The following TBC1D1 variants were observed in gnomAD, a reference collection of about 807,000 sequenced individuals.
TBC1D1 encodes TBC1 domain family member 1.
Under a neutral mutation model 125.6 loss-of-function variants are expected in TBC1D1, and 89 were observed. The ratio of observed to expected loss-of-function variants is 0.71; its 90% CI spans 0.60 to 0.85. The LOEUF is 0.85. TBC1D1 is among the 40% of genes least tolerant of loss of function. The probability of loss-of-function intolerance (pLI) is 0.00; values close to 1 mark genes in which losing one functional copy is unlikely to be tolerated. For synonymous variants in TBC1D1, 565 were observed against 564.1 expected, an observed-to-expected ratio of 1.00 and a Z score of -0.02; for missense variants, 1,377 against 1,469.2, an observed-to-expected ratio of 0.94 and a Z score of 1.03.
At chr4:37,961,464 T>A (rs1413457760) in intron 2 of TBC1D1, among the ~76,000 whole-genome samples, 1 of 152,240 alleles carries the variant, frequency 6.6e-6, no homozygotes, top group Non-Finnish European at 1.5e-5. Flanking sequence ...TATCTTAAAA[T>A]GTCTATATGG....
At chr4:37,959,435 G>A (rs1465796936) in intron 2 of TBC1D1, among the ~76,000 whole-genome samples, 3 of 152,102 alleles carry the variant, frequency 2.0e-5, no homozygotes, top group African/African-American at 7.2e-5. Context: ...TTGTCTTCAC[G>A]TTGAATAGGC....
chr4:38,031,931 A>G (rs74738670), intron 7 of TBC1D1, among the ~76,000 whole-genome samples: 3,865 of 152,386 alleles, frequency 0.025, 74 homozygotes, highest in South Asian at 0.074. Flanking sequence ...GAAGTATGAC[A>G]TGCATATAGA....
At chr4:37,918,482 CTG>C (rs1720189744) in intron 2 of TBC1D1, among the ~76,000 whole-genome samples, 1 of 147,474 alleles carries the variant, frequency 6.8e-6, no homozygotes. Context: ...GAGTCTTGCT[CTG>C]TCTCCCAGGC....
intron 2 of TBC1D1, among the ~76,000 whole-genome samples, chr4:37,967,975 C>G (rs1458946207): frequency 2.6e-5 from 4 of 152,128 alleles, no homozygotes; most frequent in Admixed American, 6.5e-5. Flanking sequence ...TTTGCTTAAA[C>G]TTTATAGACT....
intron 14 of TBC1D1, among the ~76,000 whole-genome samples, chr4:38,096,556 A>G (rs924812130): frequency 6.6e-6 from 1 of 152,120 alleles, no homozygotes; most frequent in African/African-American, 2.4e-5. Flanking sequence ...AGTTTCTACA[A>G]GTGTAAGATG....
At chr4:37,906,154 T>TCC (rs113545613) in intron 2 of TBC1D1, among the ~76,000 whole-genome samples, 14 of 151,806 alleles carry the variant, frequency 9.2e-5, no homozygotes, top group African/African-American at 2.9e-4. Context: ...CTTTTTCTTT[T>TCC]CCCCCCCGCT....
intron 2 of TBC1D1, among the ~76,000 whole-genome samples, chr4:37,996,806 C>G (rs1441281945): frequency 6.6e-6 from 1 of 152,210 alleles, no homozygotes; most frequent in Non-Finnish European, 1.5e-5. Context: ...TGTGGCTGGG[C>G]CACACTGTAC....
At chr4:37,928,109 A>G (rs1314135024) in intron 2 of TBC1D1, among the ~76,000 whole-genome samples, 2 of 152,334 alleles carry the variant, frequency 1.3e-5, no homozygotes, top group East Asian at 3.9e-4. Context: ...TAATAATAGT[A>G]TCACTATCTT....
chr4:38,045,619 C>A (rs774478593), intron 9 of TBC1D1, among the ~76,000 whole-genome samples, 198 bp from the exon 10 acceptor site: 1 of 152,040 alleles, frequency 6.6e-6, no homozygotes, highest in African/African-American at 2.4e-5. Flanking sequence ...TGTTTTGGAA[C>A]GTTTAGGTTA....
chr4:37,967,810 G>A (rs1460861192), intron 2 of TBC1D1, among the ~76,000 whole-genome samples: 1 of 152,202 alleles, frequency 6.6e-6, no homozygotes, highest in Non-Finnish European at 1.5e-5. Context: ...AAATGTCTGA[G>A]TTTAAAGCTA....
chr4:38,126,039 A>G (rs1466550348), intron 18 of TBC1D1, among the ~76,000 whole-genome samples: 1 of 152,226 alleles, frequency 6.6e-6, no homozygotes, highest in African/African-American at 2.4e-5. Flanking sequence ...TGATTTCATC[A>G]TTGTGCAAAC....
At chr4:38,132,419 T>C (rs1231853542) in intron 18 of TBC1D1, among the ~76,000 whole-genome samples, 1 of 152,154 alleles carries the variant, frequency 6.6e-6, no homozygotes, top group Non-Finnish European at 1.5e-5. Context: ...ACGGCTTGAG[T>C]CACTTAGGCA....
At position 38,053,097 on chromosome 4, in the gene TBC1D1, A is replaced by T; in HGVS notation, c.1911-1102A>T. On this transcript the variant is annotated intron_variant, in intron 11 of 19. Coordinates refer to ENST00000261439, the MANE Select transcript of TBC1D1 (RefSeq NM_015173.4). ...TTATCCTAAACTCTTTTTTCAACCA[A>T]ACTCTTAGCATCTCCTACCGTAATG... is the stretch of plus-strand genomic sequence containing the variant. The T allele has an allele frequency of 1.4e-6, 2 of 1,423,010 alleles. No individual in the cohort carries two copies. The highest frequency in any genetic ancestry group is 1.8e-6 in the Non-Finnish European group (2 of 1,086,924). The allele number at this position is 1,423,010 out of a possible 1,614,324, so 88.1% of individuals were successfully genotyped here.
chr4:38,105,740 G>T (rs1761187549), intron 15 of TBC1D1, among the ~76,000 whole-genome samples: 1 of 152,170 alleles, frequency 6.6e-6, no homozygotes, highest in Non-Finnish European at 1.5e-5. Flanking sequence ...ACCTGCAGCT[G>T]CATCCATGTT....
chr4:38,029,416 G>A (rs992638899), intron 7 of TBC1D1, among the ~76,000 whole-genome samples: 10 of 152,160 alleles, frequency 6.6e-5, no homozygotes, highest in African/African-American at 1.7e-4. Context: ...GCCCAGAGCC[G>A]AAGTGCAATG....
chr4:37,932,202 A>G (rs954025778), intron 2 of TBC1D1, among the ~76,000 whole-genome samples: 2 of 152,214 alleles, frequency 1.3e-5, no homozygotes, highest in Non-Finnish European at 2.9e-5. Context: ...GTTGGCCTTT[A>G]CAAAAATAGC....
intron 7 of TBC1D1, among the ~76,000 whole-genome samples, chr4:38,030,639 T>C (rs1578344682): frequency 1.3e-5 from 2 of 152,260 alleles, no homozygotes; most frequent in Non-Finnish European, 2.9e-5. Context: ...TTGAAAATCA[T>C]ACATTTCAAA....
chr4:38,061,290 C>G (rs565913407), intron 12 of TBC1D1, among the ~76,000 whole-genome samples: 1 of 145,102 alleles, frequency 6.9e-6, no homozygotes, highest in Non-Finnish European at 1.5e-5. Flanking sequence ...GTCAAGCCTA[C>G]AAAAAAAAAA....
chr4:38,038,809 G>A (rs907302790), intron 8 of TBC1D1, among the ~76,000 whole-genome samples: 2 of 152,014 alleles, frequency 1.3e-5, no homozygotes, highest in Non-Finnish European at 2.9e-5. Context: ...AGTCAGGTGT[G>A]GTGGCGGGTG....
Sources: allele counts gnomAD v4.1 joint callset (sites outside exome capture counted in the v4.1 genomes callset), GRCh38; gene constraint gnomAD v4.1.1; transcripts MANE v1.5; gene names NCBI Gene and HGNC (gene_info 2026-07-23, HGNC 2026-07-21).